The following RAPGEF5 variants were observed in gnomAD, a reference collection of about 807,000 sequenced individuals.
The protein encoded by RAPGEF5 is M-Ras-regulated GEF.
RAPGEF5 carries 65 observed loss-of-function variants against 125.2 expected under a neutral mutation model. The observed-to-expected ratio is 0.52, with a 90% CI of 0.43 to 0.64. The LOEUF (loss-of-function observed/expected upper bound fraction) is 0.64, where lower values mean the gene tolerates loss of function less well. RAPGEF5 is among the 30% of genes least tolerant of loss of function. The pLI is 0.00. For missense variants in RAPGEF5, 958 were observed against 1,048.1 expected (o/e 0.91, Z 1.19); for synonymous variants, 391 against 385.9 (o/e 1.01, Z -0.16).
At chr7:22,305,764 T>C (rs1394319389) in intron 5 of RAPGEF5, among the ~76,000 whole-genome samples, 1 of 152,172 alleles carries the variant, frequency 6.6e-6, no homozygotes, top group African/African-American at 2.4e-5. Flanking sequence ...ATGAGTTCAG[T>C]TGCTTTCATT....
intron 7 of RAPGEF5, among the ~76,000 whole-genome samples, chr7:22,250,539 T>A (rs1013600574): frequency 7.9e-5 from 12 of 152,196 alleles, no homozygotes; most frequent in African/African-American, 2.9e-4. Context: ...TGCATGTCTG[T>A]TTATCCAATT....
chr7:22,259,480 A>C (rs1447327528), intron 7 of RAPGEF5, among the ~76,000 whole-genome samples: 2 of 152,228 alleles, frequency 1.3e-5, no homozygotes, highest in Non-Finnish European at 2.9e-5. Flanking sequence ...CTCTTAACAC[A>C]TGATCTAGCA....
At chr7:22,204,018 T>C (rs922446438) in intron 9 of RAPGEF5, among the ~76,000 whole-genome samples, 2 of 152,238 alleles carry the variant, frequency 1.3e-5, no homozygotes, top group Non-Finnish European at 1.5e-5. Flanking sequence ...CACTAAATTA[T>C]GATTAAAGTT....
chr7:22,281,855 C>A (rs1473243517), intron 6 of RAPGEF5, among the ~76,000 whole-genome samples: 2 of 152,188 alleles, frequency 1.3e-5, no homozygotes, highest in Non-Finnish European at 2.9e-5. Flanking sequence ...TTTCTGTCTA[C>A]CACATAAAAT....
Position 22,302,273 on chromosome 7 carries a change from T to C in RAPGEF5, c.680+6066A>G, listed in dbSNP as rs113944411. Among the ~76,000 whole-genome samples, 4 of 152,292 alleles carry C rather than the reference T, an allele frequency of 2.6e-5. 1 individual carries two copies. Among genetic ancestry groups the C allele is most frequent in the African/African-American group, 7.2e-5 (3 of 41,554 alleles). On this transcript the variant is annotated intron_variant, in intron 5 of 25. Transcript: ENST00000665637. ...GTAAAATCTTTCTATCACAGTAATA[T>C]TAGCCAGTCAGGACAGAGAGGGGGC...
At chr7:22,292,977 GACAA>G (rs760383254) in intron 5 of RAPGEF5, among the ~76,000 whole-genome samples, 127 of 152,324 alleles carry the variant, frequency 8.3e-4, no homozygotes, top group South Asian at 1.2e-3. Flanking sequence ...CTGTTTTAGT[GACAA>G]ACAATTTAGT....
chr7:22,137,060 T>C (rs981838046), intron 21 of RAPGEF5, 77 bp from the exon 22 acceptor site: 27 of 1,059,976 alleles, frequency 2.5e-5, no homozygotes, highest in Non-Finnish European at 3.2e-5. Context: ...GGAGTTTTCA[T>C]TACGTTGTTT....
At chr7:22,295,633 A>G (rs770070265) in intron 5 of RAPGEF5, among the ~76,000 whole-genome samples, 1 of 152,198 alleles carries the variant, frequency 6.6e-6, no homozygotes, top group Non-Finnish European at 1.5e-5. Context: ...GTAATCACAA[A>G]GACTAGGACT....
chr7:22,348,751 G>T (rs1433394955), intron 1 of RAPGEF5, among the ~76,000 whole-genome samples: 1 of 152,184 alleles, frequency 6.6e-6, no homozygotes, highest in Non-Finnish European at 1.5e-5. Flanking sequence ...GGAGAGGAGG[G>T]GATGAAGAGA....
At chr7:22,167,170 A>G (rs779856159) in intron 11 of RAPGEF5, 22 bp from the exon 12 acceptor site, 1 of 1,583,298 alleles carries the variant, frequency 6.3e-7, no homozygotes, top group Non-Finnish European at 8.7e-7. Flanking sequence ...AAAAAAACAA[A>G]CACAAGGTAA....
Position 22,199,531 on chromosome 7 carries a change from G to GAAA in RAPGEF5, c.997-5501_997-5499dup, listed in dbSNP as rs35024654. Among the ~76,000 whole-genome samples the GAAA allele has an allele frequency of 1.3e-4, 8 of 62,848 alleles. No individual in the cohort carries two copies. In the South Asian group the frequency reaches 2.4e-3, roughly 19 times the overall value. The allele number at this position is 62,848 out of a possible 152,430, so 41.2% of individuals were successfully genotyped here. On this transcript the variant is annotated intron_variant, in intron 9 of 25. Transcript: ENST00000665637. ...GTTATGTAAGTTTTACCTTAAAATT[G>GAAA]AAAAAAAAAAAAAAAAAAAAAAAAA...
chr7:22,191,269 A>T (rs1331490408), intron 11 of RAPGEF5, among the ~76,000 whole-genome samples: 1 of 151,970 alleles, frequency 6.6e-6, no homozygotes, highest in Admixed American at 6.6e-5. Context: ...CACATGGTGG[A>T]TTTTCTGTTG....
intron 1 of RAPGEF5, among the ~76,000 whole-genome samples, chr7:22,329,687 TTG>T (rs1241202300): frequency 6.6e-6 from 1 of 152,208 alleles, no homozygotes; most frequent in Admixed American, 6.5e-5. Flanking sequence ...AGCTAGATTG[TTG>T]TTTTTCCCTC....
chr7:22,145,738 G>A (rs925267433), intron 19 of RAPGEF5, among the ~76,000 whole-genome samples: 14 of 152,106 alleles, frequency 9.2e-5, no homozygotes, highest in African/African-American at 2.7e-4. Context: ...TGGAGGGGCC[G>A]GAAATCTGCA....
At chr7:22,212,759 T>C (rs2128130898) in intron 9 of RAPGEF5, among the ~76,000 whole-genome samples, 1 of 152,270 alleles carries the variant, frequency 6.6e-6, no homozygotes. Context: ...AGTAACACTG[T>C]TACATTAATG....
intron 7 of RAPGEF5, among the ~76,000 whole-genome samples, chr7:22,266,121 A>C (rs959985393): frequency 6.6e-6 from 1 of 152,202 alleles, no homozygotes; most frequent in African/African-American, 2.4e-5. Context: ...AAAGATATAA[A>C]ATGTACAGTT....
intron 7 of RAPGEF5, among the ~76,000 whole-genome samples, chr7:22,251,775 CAAAAAA>C (rs58681076): frequency 7.4e-4 from 54 of 73,350 alleles, no homozygotes; most frequent in African/African-American, 1.5e-3. Flanking sequence ...GTTTCATTGA[CAAAAAA>C]AAAAAAAAAA....
intron 7 of RAPGEF5, among the ~76,000 whole-genome samples, chr7:22,231,220 T>A (rs1230270248): frequency 6.6e-6 from 1 of 152,232 alleles, no homozygotes; most frequent in South Asian, 2.1e-4. Flanking sequence ...AGGGCAGCTG[T>A]GGGTATAAGA....
At chr7:22,278,534 T>C (rs917740866) in intron 6 of RAPGEF5, among the ~76,000 whole-genome samples, 4 of 151,988 alleles carry the variant, frequency 2.6e-5, no homozygotes, top group African/African-American at 9.7e-5. Context: ...CCAGTCCCAG[T>C]GTCCAAAGAG....
Sources: allele counts gnomAD v4.1 joint callset (sites outside exome capture counted in the v4.1 genomes callset), GRCh38; gene constraint gnomAD v4.1.1; transcripts MANE v1.5; gene names NCBI Gene and HGNC (gene_info 2026-07-23, HGNC 2026-07-21).